Variants in FAT3 observed in about 807,000 individuals in gnomAD.
The protein encoded by FAT3 is protocadherin Fat 3.
In FAT3, 95 loss-of-function variants were observed where a neutral mutation model predicts 310.2. The observed-to-expected ratio is 0.31, with a 90% CI of 0.26 to 0.36. The LOEUF (loss-of-function observed/expected upper bound fraction) is 0.36. FAT3 is among the 10% of genes least tolerant of loss of function. FAT3 has a pLI of 1.00. For synonymous variants in FAT3, 2,314 were observed against 2,192.9 expected (o/e 1.06, Z -1.54); for missense variants, 5,408 against 5,715.6 (o/e 0.95, Z 1.74).
At chr11:92,664,079 T>G (rs946509966) in intron 3 of FAT3, among the ~76,000 whole-genome samples, 15 of 152,094 alleles carry the variant, frequency 9.9e-5, no homozygotes, top group African/African-American at 3.6e-4. Context: ...GTGTATATGC[T>G]CATTCTCATC....
At chr11:92,494,710 T>A (rs1250194310) in intron 2 of FAT3, among the ~76,000 whole-genome samples, 1 of 152,090 alleles carries the variant, frequency 6.6e-6, no homozygotes, top group East Asian at 1.9e-4. Context: ...CAAGCCATCC[T>A]ATTGCAGAAC....
At chr11:92,320,879 AAG>A (rs1491298163) in intron 1 of FAT3, among the ~76,000 whole-genome samples, 68 of 131,238 alleles carry the variant, frequency 5.2e-4, no homozygotes, top group Non-Finnish European at 8.2e-4. Context: ...CAAAAAAAAA[AAG>A]GGGGGGGTAC....
At chr11:92,580,165 G>T (rs1938710623) in intron 3 of FAT3, among the ~76,000 whole-genome samples, 1 of 152,092 alleles carries the variant, frequency 6.6e-6, no homozygotes, top group South Asian at 2.1e-4. Flanking sequence ...GAATAGGTGA[G>T]TATGAATAAT....
chr11:92,791,357 G>T (rs1394456964), intron 8 of FAT3, among the ~76,000 whole-genome samples: 1 of 152,206 alleles, frequency 6.6e-6, no homozygotes. Flanking sequence ...ATAGAGTTCA[G>T]CTTGGTCCTT....
intron 4 of FAT3, among the ~76,000 whole-genome samples, chr11:92,705,087 T>G (rs1269975823): frequency 6.6e-6 from 1 of 152,162 alleles, no homozygotes; most frequent in Admixed American, 6.5e-5. Context: ...GCCTCCTTCC[T>G]CCATTCTTCT....
intron 2 of FAT3, among the ~76,000 whole-genome samples, chr11:92,466,739 C>A (rs866916830): frequency 2.8e-5 from 3 of 108,492 alleles, no homozygotes; most frequent in African/African-American, 3.5e-5. Flanking sequence ...CCCCTCCCCC[C>A]ACCCCACAAC....
chr11:92,558,963 C>T (rs188815338), intron 3 of FAT3, among the ~76,000 whole-genome samples: 117 of 152,252 alleles, frequency 7.7e-4, no homozygotes, highest in Non-Finnish European at 1.3e-3. Context: ...TCCTTTGGAA[C>T]GCTGTTACAT....
At chr11:92,697,816 C>G (rs1346122308) in intron 4 of FAT3, among the ~76,000 whole-genome samples, 1 of 152,144 alleles carries the variant, frequency 6.6e-6, no homozygotes, top group Non-Finnish European at 1.5e-5. Flanking sequence ...TATGAGGAAG[C>G]TTTGCTTTCC....
chr11:92,530,104 G>A (rs1954016825), intron 3 of FAT3, among the ~76,000 whole-genome samples: 1 of 152,136 alleles, frequency 6.6e-6, no homozygotes, highest in Non-Finnish European at 1.5e-5. Flanking sequence ...GATGTCTTTA[G>A]TTTTTTAATC....
At chr11:92,356,318 T>C (rs1948730242) in intron 2 of FAT3, among the ~76,000 whole-genome samples, 1 of 152,212 alleles carries the variant, frequency 6.6e-6, no homozygotes, top group South Asian at 2.1e-4. Flanking sequence ...CTTGTTTAAA[T>C]GGTAATATTA....
At chr11:92,821,027 G>A (rs1565624649) in intron 13 of FAT3, among the ~76,000 whole-genome samples, 1 of 152,222 alleles carries the variant, frequency 6.6e-6, no homozygotes, top group Non-Finnish European at 1.5e-5. Flanking sequence ...ATTTGACATA[G>A]GCAGGGATGA....
At chr11:92,784,777 T>C (rs1206672167) in intron 7 of FAT3, among the ~76,000 whole-genome samples, 1 of 152,138 alleles carries the variant, frequency 6.6e-6, no homozygotes, top group Non-Finnish European at 1.5e-5. Flanking sequence ...TTGTTCTGAC[T>C]GTAGATTAGG....
rs527340996 is a variant in FAT3 at position 92,410,170 on chromosome 11, G to A, written c.3292+54766G>A. Reference sequence around the variant, plus strand: ...TTGGTGATTTTTTTTTAAATCATCAGATGTGCTGCAGCTGTGGAATTCTAC... The same window carrying A: ...TTGGTGATTTTTTTTTAAATCATCAAATGTGCTGCAGCTGTGGAATTCTAC... On this transcript the variant is annotated intron_variant, in intron 2 of 27. Transcript: ENST00000525166. Among the ~76,000 whole-genome samples, 8 of 152,194 alleles carry A rather than the reference G, an allele frequency of 5.3e-5. No individual in the cohort carries two copies. In the East Asian group the frequency reaches 1.2e-3, roughly 22 times the overall value.
intron 3 of FAT3, among the ~76,000 whole-genome samples, chr11:92,574,233 T>C (rs1255603994): frequency 6.6e-6 from 1 of 152,178 alleles, no homozygotes; most frequent in Admixed American, 6.6e-5. Flanking sequence ...GTGAAAATAC[T>C]GTAGCAACAG....
chr11:92,290,882 C>G (rs2134393398), intron 1 of FAT3, among the ~76,000 whole-genome samples: 1 of 152,130 alleles, frequency 6.6e-6, no homozygotes, highest in African/African-American at 2.4e-5. Flanking sequence ...CCACTTGTAG[C>G]ACCAAGTTAC....
chr11:92,753,350 C>G (rs1045901456), intron 4 of FAT3, among the ~76,000 whole-genome samples: 3 of 152,104 alleles, frequency 2.0e-5, no homozygotes, highest in African/African-American at 7.2e-5. Context: ...CATTCAACCC[C>G]CAGAACCATG....
intron 3 of FAT3, among the ~76,000 whole-genome samples, chr11:92,642,168 G>T (rs1162488399): frequency 1.3e-5 from 2 of 152,194 alleles, no homozygotes; most frequent in African/African-American, 2.4e-5. Context: ...AGCCAGCCAT[G>T]GATGCTGGTA....
rs1045700108 is a variant in FAT3, at chr11:92,574,170, A to G, written c.3607+49222A>G. 2.6e-5 allele frequency among the ~76,000 whole-genome samples: 4 copies of G among 152,280 alleles called. No individual in the cohort carries two copies. In the South Asian group the frequency reaches 8.3e-4, roughly 32 times the overall value. ...CTGGTTGTCACAGTCAGCCCCACACATCTGTTTAGAAGCGTTATGGTCTTT... is the reference window on the plus strand; with the variant it reads ...CTGGTTGTCACAGTCAGCCCCACACGTCTGTTTAGAAGCGTTATGGTCTTT... On this transcript the variant is annotated intron_variant, in intron 3 of 27. Coordinates refer to ENST00000525166, the MANE Select transcript of FAT3 (RefSeq NM_001367949.2).
At position 92,225,581 on chromosome 11, in the gene FAT3, G is replaced by C. The variant is rs546716293; in HGVS notation, c.-18+407G>C. ...GCCTGCTTGGCAGCCGGTGCCTCTC[G>C]GGCGCAGTGGGGGATGTTCAGATGC... On this transcript the variant is annotated intron_variant, in intron 1 of 27. Transcript: ENST00000525166. 1.1e-3 allele frequency among the ~76,000 whole-genome samples: 160 copies of C among 152,274 alleles called. 1 individual carries two copies. Among genetic ancestry groups the C allele is most frequent in the African/African-American group, 3.5e-3 (145 of 41,570 alleles).
Sources: gnomAD v4.1 joint callset for allele counts (sites outside exome capture counted in the v4.1 genomes callset) on GRCh38, gnomAD v4.1.1 for gene constraint, MANE v1.5 for transcripts, NCBI Gene and HGNC (gene_info 2026-07-23, HGNC 2026-07-21) for gene names.